PHACTR3: variants seen among roughly 807,000 people sequenced by gnomAD.
The protein encoded by PHACTR3 is protein phosphatase 1, regulatory subunit 123.
A neutral mutation model predicts 66.8 loss-of-function variants in PHACTR3; 16 were observed. That is an observed-to-expected ratio of 0.24 (90% CI 0.16 to 0.36). The LOEUF (loss-of-function observed/expected upper bound fraction) is 0.36. PHACTR3 is among the 10% of genes least tolerant of loss of function. PHACTR3 has a pLI of 1.00. For synonymous variants in PHACTR3, 323 were observed against 292.1 expected (o/e 1.11, Z -1.08); for missense variants, 647 against 719.9 (o/e 0.90, Z 1.16).
At chr20:59,660,335 A>C (rs928976471) in intron 1 of PHACTR3, among the ~76,000 whole-genome samples, 1 of 152,234 alleles carries the variant, frequency 6.6e-6, no homozygotes, top group African/African-American at 2.4e-5. Flanking sequence ...TCTACTAAAA[A>C]TACAAAAAAT....
chr20:59,683,727 A>G (rs1568708481), intron 1 of PHACTR3, among the ~76,000 whole-genome samples: 1 of 152,174 alleles, frequency 6.6e-6, no homozygotes. Flanking sequence ...TCATAATACC[A>G]AACTAAGACT....
At chr20:59,577,844 G>A (rs2032757405) in intron 1 of PHACTR3, among the ~76,000 whole-genome samples, 1 of 152,216 alleles carries the variant, frequency 6.6e-6, no homozygotes, top group South Asian at 2.1e-4. Flanking sequence ...CCTAAACAAG[G>A]GCAGTGTCCG....
At chr20:59,642,535 A>G (rs1465532984) in intron 1 of PHACTR3, among the ~76,000 whole-genome samples, 2 of 151,794 alleles carry the variant, frequency 1.3e-5, no homozygotes. Context: ...TTAAATTAAT[A>G]CATCAGAAGC....
intron 1 of PHACTR3, among the ~76,000 whole-genome samples, chr20:59,658,689 C>G (rs1290536483): frequency 2.0e-5 from 3 of 152,174 alleles, no homozygotes; most frequent in African/African-American, 4.8e-5. Flanking sequence ...TCATACCAAG[C>G]TATTAGGCTC....
chr20:59,758,848 T>G (rs2039898912), intron 4 of PHACTR3, among the ~76,000 whole-genome samples: 1 of 152,176 alleles, frequency 6.6e-6, no homozygotes, highest in South Asian at 2.1e-4. Context: ...TTTGATCAAC[T>G]GTAAAATGAG....
chr20:59,741,116 G>T (rs982605619), intron 1 of PHACTR3, among the ~76,000 whole-genome samples: 2 of 152,312 alleles, frequency 1.3e-5, no homozygotes, highest in Non-Finnish European at 1.5e-5. Context: ...CCTTCCTCAG[G>T]TGAGCCCTTG....
intron 1 of PHACTR3, among the ~76,000 whole-genome samples, chr20:59,598,157 C>T (rs1174871531): frequency 3.3e-5 from 5 of 152,158 alleles, no homozygotes; most frequent in East Asian, 1.9e-4. Context: ...CTCCCTGCCC[C>T]GGGTTGTGTT....
chr20:59,817,036 G>A (rs151075103), intron 8 of PHACTR3, among the ~76,000 whole-genome samples: 119 of 152,302 alleles, frequency 7.8e-4, no homozygotes, highest in Non-Finnish European at 1.2e-3. Context: ...AGCACGCACA[G>A]TGGGTTAGAT....
chr20:59,635,149 T>TTCTTTTTCTTTCTTTCC (rs1555881160), intron 1 of PHACTR3, among the ~76,000 whole-genome samples: 17 of 60,408 alleles, frequency 2.8e-4, no homozygotes, highest in African/African-American at 7.9e-4. Context: ...CTTTCTTTCT[T>TTCTTTTTCTTTCTTTCC]TTTCTTTCTT....
Position 59,774,608 on chromosome 20 carries a change from G to A in PHACTR3, c.1174+118G>A. The A allele has an allele frequency of 2.2e-6, 3 of 1,349,728 alleles. No individual in the cohort carries two copies. In the South Asian group the frequency reaches 4.4e-5, roughly 20 times the overall value. 83.6% of individuals were successfully genotyped at this position (1,349,728 alleles called of 1,614,324 possible). ...AACAGGTCGAGGGGCTGCACCTGGGGAGAAACAAGAGGGGGGCTGTGTCCT... is the reference window on the plus strand; with the variant it reads ...AACAGGTCGAGGGGCTGCACCTGGGAAGAAACAAGAGGGGGGCTGTGTCCT... On this transcript the variant is annotated intron_variant, in intron 7 of 12. Coordinates refer to ENST00000371015, the MANE Select transcript of PHACTR3 (RefSeq NM_080672.5).
At chr20:59,604,291 C>A (rs2033577176), upstream of PHACTR3, among the ~76,000 whole-genome samples, 1 of 152,144 alleles carries the variant, frequency 6.6e-6, no homozygotes, top group East Asian at 1.9e-4. Context: ...GGTTCCCTTT[C>A]CTCCGGGAGG....
At chr20:59,778,047 G>A (rs573366065) in intron 7 of PHACTR3, among the ~76,000 whole-genome samples, 4 of 152,284 alleles carry the variant, frequency 2.6e-5, no homozygotes, top group African/African-American at 7.2e-5. Flanking sequence ...TTGTGCTGAT[G>A]TCCGGATGAC....
Position 59,605,152 on chromosome 20 carries a change from C to CGGGGGGGGGGG in PHACTR3, c.118+22_118+23insGGGGGGGGGGG. The CGGGGGGGGGGG allele has an allele frequency of 1.1e-5, 3 of 262,398 alleles. No homozygotes were observed. Among genetic ancestry groups the CGGGGGGGGGGG allele is most frequent in the African/African-American group, 2.4e-5 (1 of 42,112 alleles). 16.3% of individuals were successfully genotyped at this position (262,398 alleles called of 1,614,324 possible). ...ACCCAGGTAACGGGCTGGGCGGGGG[C>CGGGGGGGGGGG]GGCGGGCGGGTCGGGGAGGCCCGAG... On this transcript the variant is annotated intron_variant, in intron 1 of 12. Transcript: ENST00000371015.
chr20:59,817,545 T>C (rs1280832676), intron 8 of PHACTR3, among the ~76,000 whole-genome samples: 1 of 152,214 alleles, frequency 6.6e-6, no homozygotes. Flanking sequence ...AGGAGGCGGG[T>C]GGGGGATGGT....
At chr20:59,619,834 G>A (rs1286693542) in intron 1 of PHACTR3, among the ~76,000 whole-genome samples, 1 of 152,218 alleles carries the variant, frequency 6.6e-6, no homozygotes, top group East Asian at 1.9e-4. Context: ...TGGCGGAGCT[G>A]AGAAGCAAAG....
In PHACTR3 at chr20:59,755,182, A is replaced by G. The variant is rs749330533; in HGVS notation, c.359A>G (p.Asp120Gly). Reference sequence around the variant, plus strand: ...AGCTGACAGCTACATTTCCTTGTAGATGCTGAAAGCAAAACTTGCAACCCC... The same window carrying G: ...AGCTGACAGCTACATTTCCTTGTAGGTGCTGAAAGCAAAACTTGCAACCCC... ...KKGLLEMMEQ[D>G]AESKTCNPDG... The change falls in exon 4 of 13, where the codon GAT becomes GGT. Residue 120 changes from aspartate (D) to glycine (G), a missense_variant and splice_region_variant. Asp to Gly is a moderately conservative substitution (Grantham distance 94). Coordinates refer to ENST00000371015, the MANE Select transcript of PHACTR3 (RefSeq NM_080672.5). 6.2e-7 allele frequency: 1 copy of G among 1,611,650 alleles called. No homozygotes were observed. The highest frequency in any genetic ancestry group is 8.5e-7 in the Non-Finnish European group (1 of 1,179,724).
At chr20:59,661,656 ACTTC>A (rs2035808758) in intron 1 of PHACTR3, among the ~76,000 whole-genome samples, 1 of 152,022 alleles carries the variant, frequency 6.6e-6, no homozygotes. Flanking sequence ...TCCAACTTGG[ACTTC>A]CACAGGGCTT....
intron 7 of PHACTR3, among the ~76,000 whole-genome samples, chr20:59,805,007 A>C (rs139321165): frequency 6.9e-4 from 105 of 152,334 alleles, no homozygotes; most frequent in African/African-American, 2.4e-3. Flanking sequence ...ACAGACTGCA[A>C]AACTGCAACC....
rs141466297 is a variant in PHACTR3, at chr20:59,732,133, G to A, written c.119-10974G>A. ...TGCTAATATGCACTGGGGCTCTCAT[G>A]AAGAGGGTTTTAGTACAGACAGCAT... On this transcript the variant is annotated intron_variant, in intron 1 of 12. Coordinates refer to ENST00000371015, the MANE Select transcript of PHACTR3 (RefSeq NM_080672.5). Among the ~76,000 whole-genome samples the A allele has an allele frequency of 3.2e-3, 486 of 152,294 alleles. 3 individuals are homozygous for A. The highest frequency in any genetic ancestry group is 0.011 in the African/African-American group (461 of 41,576).
Sources: allele counts gnomAD v4.1 joint callset (sites outside exome capture counted in the v4.1 genomes callset), GRCh38; gene constraint gnomAD v4.1.1; transcripts MANE v1.5; gene names NCBI Gene and HGNC (gene_info 2026-07-23, HGNC 2026-07-21).